Variants in SPAG9 observed in about 807,000 individuals in gnomAD.
The protein encoded by SPAG9 is C-Jun-amino-terminal kinase-interacting protein 4.
Under a neutral mutation model 166.5 loss-of-function variants are expected in SPAG9, and 35 were observed. That is an observed-to-expected ratio of 0.21 (90% CI 0.16 to 0.28). The LOEUF is 0.28. Ranked by LOEUF, SPAG9 falls within the 10% of genes least tolerant of loss-of-function variation. The pLI is 1.00. For missense variants in SPAG9, 1,235 were observed against 1,603.3 expected (o/e 0.77, Z 3.92); for synonymous variants, 534 against 565.5 (o/e 0.94, Z 0.79).
chr17:51,041,452 A>G lies in SPAG9; in HGVS notation c.741+49T>C, dbSNP rs745949997. ...CGTCTAGCACTTCAATTAGGATAAG[A>G]AAGTTTATGAAATATAAACTGACAC... On this transcript the variant is annotated intron_variant, in intron 5 of 29. Coordinates refer to ENST00000262013, the MANE Select transcript of SPAG9 (RefSeq NM_001130528.3). 2.6e-6 allele frequency: 4 copies of G among 1,554,904 alleles called. No individual in the cohort carries two copies. In the South Asian group the frequency reaches 3.5e-5, roughly 13 times the overall value.
intron 2 of SPAG9, among the ~76,000 whole-genome samples, chr17:51,071,992 G>C (rs868766288): frequency 5.3e-5 from 8 of 152,130 alleles, no homozygotes; most frequent in African/African-American, 1.9e-4. Context: ...CAGGTACTGC[G>C]AACAGTCATC....
intron 1 of SPAG9, among the ~76,000 whole-genome samples, chr17:51,105,956 T>C (rs762534748): frequency 2.0e-5 from 3 of 151,700 alleles, no homozygotes; most frequent in Non-Finnish European, 4.4e-5. Flanking sequence ...TCACTGCTGC[T>C]TGCTTGGTTA....
intron 26 of SPAG9, 61 bp downstream of exon 26, chr17:50,979,685 T>C (rs912120949): frequency 1.3e-6 from 2 of 1,498,690 alleles, no homozygotes; most frequent in African/African-American, 1.4e-5. Flanking sequence ...AATAAACACA[T>C]AGATAGATAA....
At chr17:51,049,565 G>A (rs888490860) in intron 3 of SPAG9, among the ~76,000 whole-genome samples, 2 of 152,078 alleles carry the variant, frequency 1.3e-5, no homozygotes, top group Non-Finnish European at 2.9e-5. Flanking sequence ...TGTAGTACCA[G>A]CTACTTGGGA....
intron 15 of SPAG9, 79 bp downstream of exon 15, chr17:50,998,365 T>C (rs2044771375): frequency 1.5e-6 from 2 of 1,301,170 alleles, no homozygotes; most frequent in Admixed American, 4.0e-5. Flanking sequence ...CCTGAATCCT[T>C]AGAGCTGATA....
chr17:51,086,369 A>G (rs1568074103), intron 1 of SPAG9, among the ~76,000 whole-genome samples: 1 of 151,788 alleles, frequency 6.6e-6, no homozygotes, highest in Non-Finnish European at 1.5e-5. Context: ...AGCCATGTGC[A>G]GTGGCTCATT....
chr17:51,055,821 A>G (rs922559768), intron 3 of SPAG9, among the ~76,000 whole-genome samples: 1 of 152,210 alleles, frequency 6.6e-6, no homozygotes, highest in African/African-American at 2.4e-5. Flanking sequence ...AAAGGCTGAC[A>G]GGGAATCATA....
intron 18 of SPAG9, among the ~76,000 whole-genome samples, chr17:50,994,497 T>C (rs934575816): frequency 2.0e-5 from 3 of 152,186 alleles, no homozygotes; most frequent in Admixed American, 1.3e-4. Context: ...ACGTCTGTAA[T>C]CCCAGCACTT....
chr17:50,998,692 T>C (rs921289288), intron 14 of SPAG9, 75 bp from the exon 15 acceptor site: 51 of 1,412,384 alleles, frequency 3.6e-5, no homozygotes, highest in Middle Eastern at 1.9e-4. Flanking sequence ...AACTTTAATG[T>C]TGAAGAAAAT....
chr17:51,029,673 A>G (rs1305394907), intron 6 of SPAG9, among the ~76,000 whole-genome samples: 1 of 152,240 alleles, frequency 6.6e-6, no homozygotes, highest in Non-Finnish European at 1.5e-5. Context: ...AAAAAGACAA[A>G]CACTACATAA....
At chr17:51,007,961 G>GA in intron 9 of SPAG9, 1 of 330,616 alleles carries the variant, frequency 3.0e-6, no homozygotes, top group South Asian at 2.5e-5. Context: ...TACATGATAT[G>GA]AAAAACATCT....
At chr17:51,044,636 G>C (rs375026794) in intron 4 of SPAG9, among the ~76,000 whole-genome samples, 1 of 152,152 alleles carries the variant, frequency 6.6e-6, no homozygotes, top group Non-Finnish European at 1.5e-5. Context: ...TGAGCTAGAT[G>C]ACTTATTTAC....
At chr17:50,975,031 A>G in intron 27 of SPAG9, 84 bp from the exon 28 acceptor site, 1 of 1,296,806 alleles carries the variant, frequency 7.7e-7, no homozygotes. Flanking sequence ...TCCTTATGAT[A>G]TTATCTAAAA....
At chr17:51,013,712 T>C (rs1370146759) in intron 9 of SPAG9, among the ~76,000 whole-genome samples, 7 of 152,232 alleles carry the variant, frequency 4.6e-5, no homozygotes, top group South Asian at 2.1e-4. Flanking sequence ...TTTCAGACCA[T>C]GTATTCTTCT....
At chr17:51,021,401 T>C in intron 6 of SPAG9, 36 bp from the exon 7 acceptor site, 1 of 1,503,946 alleles carries the variant, frequency 6.6e-7, no homozygotes, top group Non-Finnish European at 9.0e-7. Flanking sequence ...AAATTTTAAA[T>C]GACGAATTTA....
intron 1 of SPAG9, among the ~76,000 whole-genome samples, chr17:51,111,795 G>T (rs1325357530): frequency 1.3e-5 from 2 of 152,008 alleles, no homozygotes; most frequent in South Asian, 2.1e-4. Context: ...TAGAGACGGG[G>T]TTTCACCATG....
Position 51,120,687 on chromosome 17 carries a change from G to A in SPAG9, c.-31C>T. The A allele has an allele frequency of 6.5e-7, 1 of 1,535,018 alleles. No homozygotes were observed. The highest frequency in any genetic ancestry group is 8.8e-7 in the Non-Finnish European group (1 of 1,141,802). On this transcript the variant is annotated 5_prime_UTR_variant, in exon 1 of 30. Transcript: ENST00000262013. The surrounding 1 kb of genome is among the most constrained non-coding windows in gnomAD (Gnocchi z 4.7). ...CAAGCGGACGGGCGGGCGGCCCGGG[G>A]CGTCGCCGGCAGAGGGGCGGCACCT...
intron 3 of SPAG9, among the ~76,000 whole-genome samples, chr17:51,055,637 T>A (rs911370139): frequency 2.6e-5 from 4 of 151,976 alleles, no homozygotes; most frequent in African/African-American, 9.7e-5. Flanking sequence ...GAACCATATG[T>A]ATCATGGGAA....
At chr17:50,986,512 C>T (rs1975060641) in intron 22 of SPAG9, among the ~76,000 whole-genome samples, 2 of 152,154 alleles carry the variant, frequency 1.3e-5, no homozygotes, top group Non-Finnish European at 2.9e-5. Flanking sequence ...GCATTACCTG[C>T]CAGCATCATA....
Sources: allele counts gnomAD v4.1 joint callset (sites outside exome capture counted in the v4.1 genomes callset), GRCh38; gene constraint gnomAD v4.1.1; non-coding constraint Gnocchi (gnomAD v3.1); transcripts MANE v1.5; gene names NCBI Gene and HGNC (gene_info 2026-07-23, HGNC 2026-07-21).